The following GSE1 variants were observed in gnomAD, a reference collection of about 807,000 sequenced individuals.
The protein encoded by GSE1 is Gse1 coiled-coil protein.
In GSE1, 32 loss-of-function variants were observed where a neutral mutation model predicts 112.6. The ratio of observed to expected loss-of-function variants is 0.28; its 90% CI spans 0.21 to 0.38. The LOEUF (loss-of-function observed/expected upper bound fraction) is 0.38. Ranked by LOEUF, GSE1 falls within the 10% of genes least tolerant of loss-of-function variation. The probability of loss-of-function intolerance (pLI) is 1.00; values close to 1 mark genes in which losing one functional copy is unlikely to be tolerated. For missense variants in GSE1, 2,348 were observed against 1,699.2 expected, an observed-to-expected ratio of 1.38 and a Z score of -6.71; for synonymous variants, 1,115 against 735.6, an observed-to-expected ratio of 1.52 and a Z score of -8.35.
At chr16:85,605,817 G>T (rs1408448296) in intron 1 of GSE1, among the ~76,000 whole-genome samples, 1 of 152,000 alleles carries the variant, frequency 6.6e-6, no homozygotes, top group Non-Finnish European at 1.5e-5. Flanking sequence ...ACTGAAGACC[G>T]CATTGTAGGT....
chr16:85,335,959 G>T (rs1488402061), intron 1 of GSE1, among the ~76,000 whole-genome samples: 1 of 152,200 alleles, frequency 6.6e-6, no homozygotes, highest in East Asian at 1.9e-4. Context: ...TCCAGCAGCT[G>T]GGGCTGGGGT....
At chr16:85,510,004 C>T (rs1006836224) in intron 2 of GSE1, among the ~76,000 whole-genome samples, 4 of 152,282 alleles carry the variant, frequency 2.6e-5, no homozygotes, top group South Asian at 4.1e-4. Context: ...CTGTTGGAAC[C>T]GCATTGAATG....
At chr16:85,180,519 AG>A (rs1490541789) in intron 1 of GSE1, among the ~76,000 whole-genome samples, 1 of 152,260 alleles carries the variant, frequency 6.6e-6, no homozygotes, top group Non-Finnish European at 1.5e-5. Flanking sequence ...GGGCATTGAT[AG>A]CATGCGCCTG....
rs147902534 is a variant in GSE1 at position 85,242,080 on chromosome 16, C to T, written c.2283+70273C>T. ...ACTCTCAGGAGCTGCAAGAGTCCCACGTCCCCAAGTGATTTGTGCTGGTGC... is the reference window on the plus strand; with the variant it reads ...ACTCTCAGGAGCTGCAAGAGTCCCATGTCCCCAAGTGATTTGTGCTGGTGC... On this transcript the variant is annotated intron_variant, in intron 1 of 2. Coordinates refer to the GSE1 transcript ENST00000637419. Among the ~76,000 whole-genome samples, 965 of 152,304 alleles carry T rather than the reference C, an allele frequency of 6.3e-3. 8 individuals carry two copies. Among genetic ancestry groups the T allele is most frequent in the Non-Finnish European group, 0.011 (749 of 68,010 alleles).
At chr16:85,491,333 G>A (rs1236039209) in intron 2 of GSE1, among the ~76,000 whole-genome samples, 3 of 152,208 alleles carry the variant, frequency 2.0e-5, no homozygotes, top group Non-Finnish European at 2.9e-5. Context: ...CTGGAGCCAC[G>A]AGGAACAGTC....
At chr16:85,264,598 CG>C (rs563894830) in intron 1 of GSE1, among the ~76,000 whole-genome samples, 168 of 152,262 alleles carry the variant, frequency 1.1e-3, no homozygotes, top group African/African-American at 3.8e-3. Flanking sequence ...GGGCCAGGGC[CG>C]GGGGTGGCTG....
chr16:85,657,473 G>A lies in GSE1; in HGVS notation c.1509G>A (p.Arg503=). Residue 503 remains arginine, a synonymous_variant, in exon 8 of 16, where the codon CGG becomes CGA. Transcript: ENST00000253458. ...AGAAGTGGCTGGCGCGGCAGCGGCG[G>A]CTGCGGCAGGAGAAGGAGGACCGGC... The part of the protein sequence containing the change: ...EEEKWLARQR[R]LRQEKEDRQS... 6.2e-7 allele frequency: 1 copy of A among 1,607,926 alleles called. No homozygotes were observed. The highest frequency in any genetic ancestry group is 8.5e-7 in the Non-Finnish European group (1 of 1,177,834).
intron 1 of GSE1, among the ~76,000 whole-genome samples, chr16:85,292,454 G>A (rs973957420): frequency 8.6e-5 from 13 of 151,680 alleles, no homozygotes; most frequent in East Asian, 1.9e-4. Flanking sequence ...TCAGCCTCCC[G>A]AGTAGCTGGG....
chr16:85,501,577 C>A (rs1195179834), intron 2 of GSE1, among the ~76,000 whole-genome samples: 43 of 151,752 alleles, frequency 2.8e-4, no homozygotes, highest in African/African-American at 9.4e-4. Flanking sequence ...AAATTTTTTG[C>A]AGAGACTAGG....
At chr16:85,613,291 C>T (rs2048118279), upstream of GSE1, 3 of 1,539,812 alleles carry the variant, frequency 1.9e-6, no homozygotes, top group Admixed American at 4.0e-5. Context: ...GCCCGAGCTG[C>T]CGCCGCCGAG....
At chr16:85,549,491 T>C (rs530931537) in intron 2 of GSE1, among the ~76,000 whole-genome samples, 88 of 152,310 alleles carry the variant, frequency 5.8e-4, no homozygotes, top group African/African-American at 1.9e-3. Flanking sequence ...TAGACATCAC[T>C]TTTGGCAGAT....
intron 8 of GSE1, 57 bp downstream of exon 8, chr16:85,657,661 C>T (rs1258016261): frequency 1.1e-5 from 14 of 1,236,508 alleles, no homozygotes; most frequent in African/African-American, 7.6e-5. Flanking sequence ...ATTTGTTCAG[C>T]GTGTATTGAG....
intron 2 of GSE1, among the ~76,000 whole-genome samples, chr16:85,644,272 G>A (rs1257669443): frequency 6.6e-6 from 1 of 151,598 alleles, no homozygotes; most frequent in East Asian, 1.9e-4. Context: ...CCAGGAGGTT[G>A]AGGCTGCAGT....
At chr16:85,548,227 CAAAAA>C (rs1241025677) in intron 2 of GSE1, among the ~76,000 whole-genome samples, 4 of 70,134 alleles carry the variant, frequency 5.7e-5, no homozygotes, top group South Asian at 4.4e-4. Context: ...GACTCTTTCT[CAAAAA>C]AAAAAAAAAA....
intron 2 of GSE1, among the ~76,000 whole-genome samples, chr16:85,488,889 C>A (rs1214175737): frequency 1.3e-5 from 2 of 152,106 alleles, no homozygotes; most frequent in South Asian, 2.1e-4. Flanking sequence ...AAGACCCCCC[C>A]ATTCTAACAG....
chr16:85,501,954 G>T (rs989493274), intron 2 of GSE1, among the ~76,000 whole-genome samples: 2 of 152,228 alleles, frequency 1.3e-5, no homozygotes, highest in Non-Finnish European at 2.9e-5. Context: ...TATTTTGTTG[G>T]GGGGCAGGGT....
chr16:85,644,500 C>G (rs187644460), intron 2 of GSE1, among the ~76,000 whole-genome samples: 3 of 152,162 alleles, frequency 2.0e-5, no homozygotes, highest in Non-Finnish European at 4.4e-5. Context: ...AGGAGAGATT[C>G]TCTTAGGTGC....
chr16:85,200,527 G>C (rs1407666718), intron 1 of GSE1, among the ~76,000 whole-genome samples: 1 of 152,032 alleles, frequency 6.6e-6, no homozygotes, highest in Non-Finnish European at 1.5e-5. Context: ...TCTAAATCCT[G>C]ACCTGTCAGC....
chr16:85,416,743 C>T (rs1248525720), intron 2 of GSE1, among the ~76,000 whole-genome samples: 2 of 152,268 alleles, frequency 1.3e-5, no homozygotes, highest in Non-Finnish European at 2.9e-5. Flanking sequence ...TTCCCTGGGT[C>T]ACGGCTGACT....
Sources: allele counts gnomAD v4.1 joint callset (sites outside exome capture counted in the v4.1 genomes callset), GRCh38; gene constraint gnomAD v4.1.1; transcripts MANE v1.5; gene names NCBI Gene and HGNC (gene_info 2026-07-23, HGNC 2026-07-21).